Variants in ADGRL4 observed in about 807,000 individuals in gnomAD.
ADGRL4 encodes the protein adhesion G protein-coupled receptor L4.
A neutral mutation model predicts 74.8 loss-of-function variants in ADGRL4; 90 were observed. That is an observed-to-expected ratio of 1.20 (90% CI 1.02 to 1.43). ADGRL4 has a LOEUF of 1.43. Ranked by LOEUF, ADGRL4 falls within the 40% of genes most tolerant of loss-of-function variation. The pLI is 0.00. For synonymous variants in ADGRL4, 311 were observed against 279.2 expected (o/e 1.11, Z -1.14); for missense variants, 881 against 814.3 (o/e 1.08, Z -1.00).
intron 3 of ADGRL4, among the ~76,000 whole-genome samples, chr1:78,940,831 C>T (rs780053544): frequency 2.0e-5 from 3 of 151,846 alleles, no homozygotes; most frequent in Admixed American, 1.3e-4. Flanking sequence ...CTCAAAAATC[C>T]AACAAAAAGA....
chr1:78,891,807 A>C, intron 13 of ADGRL4, 115 bp from the exon 14 acceptor site: 1 of 831,168 alleles, frequency 1.2e-6, no homozygotes, highest in Non-Finnish European at 1.8e-6. Flanking sequence ...AACCTTTTAC[A>C]AATAGACCCA....
chr1:78,979,294 G>A (rs943232817), intron 2 of ADGRL4, among the ~76,000 whole-genome samples: 6 of 151,804 alleles, frequency 4.0e-5, no homozygotes, highest in Non-Finnish European at 8.8e-5. Context: ...TTATAAGTCC[G>A]TTCCCTTTAG....
rs200091440 is a variant in ADGRL4, at chr1:78,917,919, C to A, written c.1593G>T (p.Lys531Asn). 1.0e-4 allele frequency: 164 copies of A among 1,612,714 alleles called. No individual in the cohort carries two copies. Among genetic ancestry groups the A allele is most frequent in the Non-Finnish European group, 1.3e-4 (156 of 1,179,178 alleles). ...GVIYNKGFLH[K>N]NFYIFGYLSP... ...TTAGATAGCCAAAGATATAAAAATT[C>A]TTGTGCAAAAATCCCTTGTTGTAGA... The change falls in exon 11 of 15, where the codon AAG (lysine) becomes AAT (asparagine). Residue 531 changes from lysine (K) to asparagine (N), a missense_variant. Coordinates refer to ENST00000370742, the MANE Select transcript of ADGRL4 (RefSeq NM_022159.4).
At chr1:78,957,998 C>T (rs986989109) in intron 2 of ADGRL4, among the ~76,000 whole-genome samples, 2 of 152,104 alleles carry the variant, frequency 1.3e-5, no homozygotes, top group Non-Finnish European at 2.9e-5. Flanking sequence ...GCTAAATCTA[C>T]TCTGCTTGTG....
chr1:78,936,397 AG>A lies in ADGRL4; in HGVS notation c.774del (p.Phe260LeufsTer6). 3.2e-6 allele frequency: 5 copies of A among 1,571,812 alleles called. No homozygotes were observed. The highest frequency in any genetic ancestry group is 4.3e-6 in the Non-Finnish European group (5 of 1,166,246). On this transcript the variant is annotated frameshift_variant, in exon 7 of 15. Transcript: ENST00000370742. LOFTEE classifies it high-confidence loss of function. ...TNSTDIALKV[F>X]FFDSYNMKHI... is the part of the protein sequence containing the mutation. ...TGTTTCATGTTATATGAATCAAAAA[AG>A]AAAACTTTGAGAGCTGAAACAAAAC...
At chr1:78,984,191 A>G (rs1164812568) in intron 2 of ADGRL4, among the ~76,000 whole-genome samples, 1 of 151,750 alleles carries the variant, frequency 6.6e-6, no homozygotes, top group Non-Finnish European at 1.5e-5. Flanking sequence ...TATTGTTACT[A>G]TTACTACTAT....
chr1:78,940,023 A>G (rs1354320556), intron 3 of ADGRL4, among the ~76,000 whole-genome samples: 1 of 152,148 alleles, frequency 6.6e-6, no homozygotes, highest in Non-Finnish European at 1.5e-5. Flanking sequence ...TCATGGGCCA[A>G]ATTCTCAAAT....
At chr1:78,915,523 A>T (rs139961606) in intron 12 of ADGRL4, among the ~76,000 whole-genome samples, 1 of 151,880 alleles carries the variant, frequency 6.6e-6, no homozygotes, top group Non-Finnish European at 1.5e-5. Flanking sequence ...TAGAGAAAAG[A>T]AAAACTTCTA....
intron 7 of ADGRL4, among the ~76,000 whole-genome samples, chr1:78,927,610 C>T (rs1034702678): frequency 3.9e-5 from 6 of 151,956 alleles, no homozygotes; most frequent in African/African-American, 7.2e-5. Context: ...TATGCAGTGT[C>T]GGGGTAGAAA....
rs1244186397 is a variant in ADGRL4, at chr1:78,938,125, T to A, written c.551A>T (p.Asp184Val). The change falls in exon 5 of 15, where the codon GAC becomes GTC. Residue 184 changes from aspartate (D) to valine (V), a missense_variant. Asp to Val is a radical substitution (Grantham distance 152). Coordinates refer to ENST00000370742, the MANE Select transcript of ADGRL4 (RefSeq NM_022159.4). ...GYKNNTISAKDTLSNSTLTEF... is the reference protein window; with the variant it reads ...GYKNNTISAKVTLSNSTLTEF... The stretch of plus-strand genomic sequence containing the variant: ...AGTAAGAGTTGAGTTAGAAAGGGTG[T>A]CCTTGGCTGAGATAGTGTTGTTCTT... 2 of 1,612,882 alleles carry A rather than the reference T, an allele frequency of 1.2e-6. No individual in the cohort carries two copies. Among genetic ancestry groups the A allele is most frequent in the African/African-American group, 2.7e-5 (2 of 74,864 alleles).
chr1:78,959,869 A>G (rs1471891679), intron 2 of ADGRL4, among the ~76,000 whole-genome samples: 1 of 152,192 alleles, frequency 6.6e-6, no homozygotes, highest in Non-Finnish European at 1.5e-5. Context: ...CTTGATAGAT[A>G]TTAAGTCTAA....
At chr1:78,939,088 T>A (rs1407581673) in intron 4 of ADGRL4, 100 bp downstream of exon 4, 2 of 1,358,858 alleles carry the variant, frequency 1.5e-6, no homozygotes, top group Non-Finnish European at 1.9e-6. Flanking sequence ...CTCCCTAAAG[T>A]TTGACTACTG....
At chr1:78,987,584 G>A (rs1454269356) in intron 2 of ADGRL4, among the ~76,000 whole-genome samples, 1 of 151,754 alleles carries the variant, frequency 6.6e-6, no homozygotes, top group African/African-American at 2.4e-5. Context: ...AGTCAGTGCT[G>A]ATAAGGGATA....
In ADGRL4 at chr1:78,993,106, T is replaced by A. The variant is rs930878367; in HGVS notation, c.172+11964A>T. ...TTAAGGAGGGTTAAAATACGTTTTT[T>A]TAATTTAAACCAAGCATTTTTTGAG... is the stretch of plus-strand genomic sequence containing the variant. On this transcript the variant is annotated intron_variant, in intron 2 of 14. Coordinates refer to ENST00000370742, the MANE Select transcript of ADGRL4 (RefSeq NM_022159.4). Among the ~76,000 whole-genome samples the A allele has an allele frequency of 2.0e-5, 3 of 152,246 alleles. No individual in the cohort carries two copies. In the East Asian group the frequency reaches 5.8e-4, roughly 29 times the overall value.
At chr1:78,963,138 A>G (rs1649987339) in intron 2 of ADGRL4, among the ~76,000 whole-genome samples, 1 of 152,232 alleles carries the variant, frequency 6.6e-6, no homozygotes, top group Non-Finnish European at 1.5e-5. Flanking sequence ...TTCTTGTTCA[A>G]TGAGGTGACC....
At chr1:78,927,975 A>G (rs1452738400) in intron 7 of ADGRL4, among the ~76,000 whole-genome samples, 3 of 151,806 alleles carry the variant, frequency 2.0e-5, no homozygotes, top group African/African-American at 7.3e-5. Context: ...AAAGTATGAC[A>G]TTGTTGGGCT....
chr1:78,911,953 C>A (rs573131973), intron 12 of ADGRL4, among the ~76,000 whole-genome samples: 1 of 151,810 alleles, frequency 6.6e-6, no homozygotes, highest in South Asian at 2.1e-4. Flanking sequence ...CATTTATTAC[C>A]ATCGATATTT....
At chr1:78,901,031 C>T (rs1201542641) in intron 12 of ADGRL4, among the ~76,000 whole-genome samples, 1 of 151,894 alleles carries the variant, frequency 6.6e-6, no homozygotes, top group Non-Finnish European at 1.5e-5. Flanking sequence ...CATATTTCTT[C>T]TGTAAAATTC....
At chr1:78,951,063 G>A (rs998292366) in intron 2 of ADGRL4, among the ~76,000 whole-genome samples, 4 of 152,146 alleles carry the variant, frequency 2.6e-5, no homozygotes, top group Non-Finnish European at 5.9e-5. Flanking sequence ...TCAGATTCAA[G>A]AGCATGGCAT....
Sources: gnomAD v4.1 joint callset for allele counts (sites outside exome capture counted in the v4.1 genomes callset) on GRCh38, gnomAD v4.1.1 for gene constraint, MANE v1.5 for transcripts, NCBI Gene and HGNC (gene_info 2026-07-23, HGNC 2026-07-21) for gene names.